Variants in WWOX observed in about 807,000 individuals in gnomAD.
The protein encoded by WWOX is WW domain containing oxidoreductase.
A neutral mutation model predicts 46.2 loss-of-function variants in WWOX; 69 were observed. That is an observed-to-expected ratio of 1.49 (90% confidence interval 1.23 to 1.82). The LOEUF (loss-of-function observed/expected upper bound fraction) is 1.82. WWOX is among the 40% of genes most tolerant of loss of function. The probability of loss-of-function intolerance (pLI) is 0.00; values close to 1 mark genes in which losing one functional copy is unlikely to be tolerated. For synonymous variants in WWOX, 359 were observed against 202.6 expected (o/e 1.77, Z -6.56); for missense variants, 919 against 542.6 (o/e 1.69, Z -6.89).
intron 8 of WWOX, among the ~76,000 whole-genome samples, chr16:78,511,762 A>G (rs2085367028): frequency 6.6e-6 from 1 of 152,192 alleles, no homozygotes; most frequent in Non-Finnish European, 1.5e-5. Flanking sequence ...TTTCAGGTTC[A>G]TCTTGAAATT....
At chr16:79,078,514 C>G (rs757865680) in intron 8 of WWOX, among the ~76,000 whole-genome samples, 5 of 152,182 alleles carry the variant, frequency 3.3e-5, no homozygotes, top group Non-Finnish European at 7.3e-5. Context: ...CCTCTGCACA[C>G]TGTCCAAACT....
chr16:78,667,210 T>G (rs912080630), intron 8 of WWOX, among the ~76,000 whole-genome samples: 1 of 152,234 alleles, frequency 6.6e-6, no homozygotes, highest in Non-Finnish European at 1.5e-5. Context: ...TGCAACTCTT[T>G]GGCATTTAAA....
intron 8 of WWOX, chr16:79,205,302 C>T (rs2051473320): frequency 6.6e-6 from 1 of 152,194 alleles, no homozygotes; most frequent in African/African-American, 2.4e-5. Context: ...TAGACACTGT[C>T]CCTAGTGTCA....
chr16:78,582,214 C>G (rs1423724310), intron 8 of WWOX, among the ~76,000 whole-genome samples: 1 of 152,078 alleles, frequency 6.6e-6, no homozygotes, highest in African/African-American at 2.4e-5. Flanking sequence ...CCTAAGTGGT[C>G]AATACATGGC....
chr16:79,025,351 T>A (rs1185132325), intron 8 of WWOX, among the ~76,000 whole-genome samples: 2 of 152,104 alleles, frequency 1.3e-5, no homozygotes, highest in African/African-American at 4.8e-5. Context: ...AACCTAGACA[T>A]TTGAGAAAAA....
chr16:78,200,694 T>TG (rs35761336), intron 5 of WWOX, among the ~76,000 whole-genome samples: 51,202 of 151,342 alleles, frequency 0.34, 8,873 homozygotes, highest in African/African-American at 0.4. Context: ...TACAGTGTGG[T>TG]GCCTTTGCCC....
chr16:78,380,659 C>G (rs1597133507), intron 5 of WWOX, among the ~76,000 whole-genome samples: 2 of 152,112 alleles, frequency 1.3e-5, no homozygotes, highest in African/African-American at 2.4e-5. Context: ...GAGTTATGAA[C>G]TACTGATCAG....
At chr16:78,757,845 A>C (rs1482603329) in intron 8 of WWOX, among the ~76,000 whole-genome samples, 1 of 151,938 alleles carries the variant, frequency 6.6e-6, no homozygotes, top group African/African-American at 2.4e-5. Context: ...TGACAAGTCC[A>C]CCAGTCTCAT....
At chr16:78,657,414 C>T (rs1461368975) in intron 8 of WWOX, among the ~76,000 whole-genome samples, 3 of 152,158 alleles carry the variant, frequency 2.0e-5, no homozygotes, top group African/African-American at 7.2e-5. Context: ...CAGGGCCCTG[C>T]AGCATGTCAA....
At chr16:78,318,225 C>A (rs1019233736) in intron 5 of WWOX, among the ~76,000 whole-genome samples, 3 of 151,210 alleles carry the variant, frequency 2.0e-5, no homozygotes, top group Non-Finnish European at 2.9e-5. Context: ...CTGTGGAAAC[C>A]CAGAAGCAGC....
chr16:78,568,519 A>G (rs1597281173), intron 8 of WWOX, among the ~76,000 whole-genome samples: 1 of 130,406 alleles, frequency 7.7e-6, no homozygotes. Flanking sequence ...TCTTTCACCC[A>G]GGCTGGAGTG....
intron 8 of WWOX, chr16:78,891,258 T>C (rs911184665): frequency 5.9e-5 from 9 of 152,212 alleles, no homozygotes; most frequent in African/African-American, 1.9e-4. Context: ...TTTAGGATTG[T>C]TGATCTGTAA....
chr16:78,375,410 C>A (rs796649081), intron 5 of WWOX, among the ~76,000 whole-genome samples: 9 of 152,320 alleles, frequency 5.9e-5, no homozygotes, highest in African/African-American at 1.9e-4. Context: ...AATGGCTTTT[C>A]CCCATATTTG....
chr16:78,689,959 C>G (rs919311980), intron 8 of WWOX, among the ~76,000 whole-genome samples: 1 of 152,108 alleles, frequency 6.6e-6, no homozygotes, highest in Admixed American at 6.5e-5. Flanking sequence ...CTCGCAGGCT[C>G]AAATGATTCT....
intron 5 of WWOX, among the ~76,000 whole-genome samples, chr16:78,353,314 G>C (rs917361035): frequency 1.3e-5 from 2 of 152,130 alleles, no homozygotes. Flanking sequence ...TAAATCGAGA[G>C]GTAAAGCACT....
At chr16:78,859,203 A>T (rs1185019897) in intron 8 of WWOX, among the ~76,000 whole-genome samples, 17 of 151,596 alleles carry the variant, frequency 1.1e-4, no homozygotes, top group Non-Finnish European at 1.5e-5. Context: ...AAGGGGCCTA[A>T]AATGAGTTCA....
intron 8 of WWOX, among the ~76,000 whole-genome samples, chr16:79,073,572 G>C (rs1008926808): frequency 1.3e-5 from 2 of 152,150 alleles, no homozygotes; most frequent in Non-Finnish European, 2.9e-5. Flanking sequence ...TTCATTTTAA[G>C]ATCAGTGTTG....
chr16:78,828,365 A>G (rs950303501), intron 8 of WWOX, among the ~76,000 whole-genome samples: 3 of 152,130 alleles, frequency 2.0e-5, no homozygotes, highest in Admixed American at 6.5e-5. Context: ...GTGAGTGAGA[A>G]GAACGGATAC....
At chr16:78,776,987 A>G (rs1438335837) in intron 8 of WWOX, among the ~76,000 whole-genome samples, 2 of 152,180 alleles carry the variant, frequency 1.3e-5, no homozygotes, top group African/African-American at 4.8e-5. Flanking sequence ...GCCAAACCAT[A>G]CCACTCATGG....
Sources: allele counts gnomAD v4.1 joint callset (sites outside exome capture counted in the v4.1 genomes callset), GRCh38; gene constraint gnomAD v4.1.1; transcripts MANE v1.5; gene names NCBI Gene and HGNC (gene_info 2026-07-23, HGNC 2026-07-21).